RALYL: variants seen among roughly 807,000 people sequenced by gnomAD.
RALYL encodes the protein RNA-binding Raly-like protein.
In RALYL, 29 loss-of-function variants were observed where a neutral mutation model predicts 35.1. The observed-to-expected ratio is 0.83, with a 90% CI of 0.61 to 1.13. The LOEUF (loss-of-function observed/expected upper bound fraction) is 1.13, where lower values mean the gene tolerates loss of function less well. Among genes scored for constraint, RALYL ranks in the 50% most tolerant of loss-of-function variants. The probability of loss-of-function intolerance (pLI) is 0.00; values close to 1 mark genes in which losing one functional copy is unlikely to be tolerated. For missense variants in RALYL, 359 were observed against 360.4 expected, an observed-to-expected ratio of 1.00 and a Z score of 0.03; for synonymous variants, 120 against 127.6, an observed-to-expected ratio of 0.94 and a Z score of 0.40.
At chr8:84,806,158 A>T (rs1006759314) in intron 4 of RALYL, among the ~76,000 whole-genome samples, 2 of 152,288 alleles carry the variant, frequency 1.3e-5, no homozygotes, top group African/African-American at 4.8e-5. Context: ...TGGAAATCAA[A>T]ATAATTATTA....
intron 2 of RALYL, among the ~76,000 whole-genome samples, chr8:84,566,514 G>A (rs1174516806): frequency 6.6e-6 from 1 of 151,414 alleles, no homozygotes; most frequent in African/African-American, 2.4e-5. Flanking sequence ...TTATATAGTA[G>A]TAGACACTTT....
At chr8:84,587,826 T>C (rs1252208) in intron 2 of RALYL, among the ~76,000 whole-genome samples, 45,366 of 152,094 alleles carry the variant, frequency 0.3, 7,594 homozygotes, top group African/African-American at 0.46. Context: ...TAAGGATGGC[T>C]GGACACATTC....
chr8:84,556,185 G>A (rs968100840), intron 2 of RALYL, among the ~76,000 whole-genome samples: 2 of 152,180 alleles, frequency 1.3e-5, no homozygotes, highest in Non-Finnish European at 2.9e-5. Context: ...GTTGCATTTT[G>A]CGTGTACTTT....
intron 8 of RALYL, among the ~76,000 whole-genome samples, chr8:84,903,438 A>G (rs868782800): frequency 6.6e-6 from 1 of 151,964 alleles, no homozygotes; most frequent in Non-Finnish European, 1.5e-5. Context: ...CCTAACCTTC[A>G]CCCTTTGGTA....
chr8:84,689,438 T>C (rs1428414678), intron 2 of RALYL, among the ~76,000 whole-genome samples: 2 of 152,220 alleles, frequency 1.3e-5, no homozygotes, highest in Non-Finnish European at 2.9e-5. Context: ...TAGTATTCCA[T>C]GGGGTATATG....
chr8:84,408,080 A>C (rs1357189127), intron 1 of RALYL, among the ~76,000 whole-genome samples: 3 of 152,120 alleles, frequency 2.0e-5, no homozygotes, highest in African/African-American at 7.2e-5. Flanking sequence ...ACTTAAAAAA[A>C]AGTTTTTTTA....
intron 1 of RALYL, among the ~76,000 whole-genome samples, chr8:84,504,497 C>G (rs1231185021): frequency 6.6e-6 from 1 of 152,018 alleles, no homozygotes; most frequent in Non-Finnish European, 1.5e-5. Flanking sequence ...AAATAAAAGG[C>G]CAACATATTA....
At chr8:84,338,360 A>G (rs1848196693) in intron 1 of RALYL, among the ~76,000 whole-genome samples, 1 of 151,980 alleles carries the variant, frequency 6.6e-6, no homozygotes, top group South Asian at 2.1e-4. Flanking sequence ...ATGAAAGAAC[A>G]TAGAATAAGA....
intron 1 of RALYL, among the ~76,000 whole-genome samples, chr8:84,342,972 AG>A (rs1849140993): frequency 1.3e-5 from 2 of 152,236 alleles, no homozygotes; most frequent in African/African-American, 4.8e-5. Context: ...AATTCTGCAA[AG>A]TAATATGATA....
At chr8:84,440,804 AAAGCTACATT>A (rs1161440576) in intron 1 of RALYL, among the ~76,000 whole-genome samples, 1 of 152,056 alleles carries the variant, frequency 6.6e-6, no homozygotes, top group Non-Finnish European at 1.5e-5. Flanking sequence ...GATTATGAAC[AAAGCTACATT>A]AAGCTACATA....
intron 2 of RALYL, among the ~76,000 whole-genome samples, chr8:84,624,698 G>T (rs1216553481): frequency 6.6e-6 from 1 of 152,138 alleles, no homozygotes; most frequent in African/African-American, 2.4e-5. Flanking sequence ...ATTAGGACAT[G>T]GACGTCTTTG....
intron 1 of RALYL, among the ~76,000 whole-genome samples, chr8:84,476,649 G>A (rs7011638): frequency 0.41 from 62,684 of 151,846 alleles, 13,024 homozygotes; most frequent in South Asian, 0.53. Context: ...TTATTCCCTC[G>A]TTGCCAAATT....
intron 1 of RALYL, among the ~76,000 whole-genome samples, chr8:84,368,071 A>G (rs1416865519): frequency 6.6e-6 from 1 of 152,082 alleles, no homozygotes; most frequent in African/African-American, 2.4e-5. Context: ...CAAGTCTCCA[A>G]CTCGTGATAC....
intron 4 of RALYL, among the ~76,000 whole-genome samples, chr8:84,815,629 A>T (rs182308020): frequency 6.6e-6 from 1 of 152,074 alleles, no homozygotes; most frequent in Non-Finnish European, 1.5e-5. Context: ...ATTTTTTTAG[A>T]GCAATTAACA....
intron 4 of RALYL, among the ~76,000 whole-genome samples, chr8:84,847,423 T>C (rs1428156270): frequency 6.6e-6 from 1 of 152,120 alleles, no homozygotes; most frequent in Non-Finnish European, 1.5e-5. Context: ...CTCTGTTGAC[T>C]CTCAGTGTTT....
At chr8:84,302,715 G>T (rs1207067681) in intron 1 of RALYL, among the ~76,000 whole-genome samples, 1 of 152,110 alleles carries the variant, frequency 6.6e-6, no homozygotes, top group Non-Finnish European at 1.5e-5. Context: ...GCAGCATTTT[G>T]GAAAAAGGAA....
chr8:84,369,079 C>T (rs951635100), intron 1 of RALYL, among the ~76,000 whole-genome samples: 1 of 151,996 alleles, frequency 6.6e-6, no homozygotes, highest in African/African-American at 2.4e-5. Context: ...TTTGTCTGAC[C>T]AGAAACTAGT....
intron 2 of RALYL, among the ~76,000 whole-genome samples, chr8:84,764,913 A>G (rs1813544455): frequency 6.6e-6 from 1 of 152,206 alleles, no homozygotes. Context: ...ATTGGCTCCA[A>G]TCTCAGATTT....
At chr8:84,479,239 C>A (rs985914649) in intron 1 of RALYL, among the ~76,000 whole-genome samples, 1 of 151,084 alleles carries the variant, frequency 6.6e-6, no homozygotes, top group Non-Finnish European at 1.5e-5. Context: ...AGATTCTGTT[C>A]ATCATCATTA....
Sources: gnomAD v4.1 joint callset for allele counts (sites outside exome capture counted in the v4.1 genomes callset) on GRCh38, gnomAD v4.1.1 for gene constraint, MANE v1.5 for transcripts, NCBI Gene and HGNC (gene_info 2026-07-23, HGNC 2026-07-21) for gene names.